GSE1: variants seen among roughly 807,000 people sequenced by gnomAD.
GSE1 encodes the protein Gse1 coiled-coil protein.
Under a neutral mutation model 112.6 loss-of-function variants are expected in GSE1, and 32 were observed. The observed-to-expected ratio is 0.28, with a 90% CI of 0.21 to 0.38. The LOEUF (loss-of-function observed/expected upper bound fraction) is 0.38. Ranked by LOEUF, GSE1 falls within the 10% of genes least tolerant of loss-of-function variation. GSE1 has a pLI of 1.00. For missense variants in GSE1, 2,348 were observed against 1,699.2 expected (o/e 1.38, Z -6.71); for synonymous variants, 1,115 against 735.6 (o/e 1.52, Z -8.35).
chr16:85,256,550 C>T (rs1907102716), intron 1 of GSE1, among the ~76,000 whole-genome samples: 1 of 152,246 alleles, frequency 6.6e-6, no homozygotes, highest in Admixed American at 6.5e-5. Flanking sequence ...GCGAAGCTCC[C>T]ACTGGGCCTG....
In GSE1 at chr16:85,180,256, C is replaced by T. The variant is rs535329821; in HGVS notation, c.2283+8449C>T. ...AGGCCGGGGTTGGTATTCTGCCCTG[C>T]CAAGCCAGGGCCCGGGGCAGGTGCC... On this transcript the variant is annotated intron_variant, in intron 1 of 2. Coordinates refer to the GSE1 transcript ENST00000637419. Among the ~76,000 whole-genome samples, 41 of 152,380 alleles carry T rather than the reference C, an allele frequency of 2.7e-4. No homozygotes were observed. The South Asian group carries it at 8.3e-3, about 31-fold the overall frequency.
intron 2 of GSE1, among the ~76,000 whole-genome samples, chr16:85,510,399 C>G (rs1268722566): frequency 1.5e-5 from 1 of 66,044 alleles, no homozygotes; most frequent in East Asian, 8.4e-4. Flanking sequence ...GACCAGGGCC[C>G]GAGCGTGCGT....
intron 2 of GSE1, among the ~76,000 whole-genome samples, chr16:85,376,417 G>T (rs2047421357): frequency 6.6e-6 from 1 of 152,346 alleles, no homozygotes; most frequent in Non-Finnish European, 1.5e-5. Context: ...GGGCTGGGCT[G>T]GGGTGAGTTC....
At chr16:85,357,726 G>A in intron 2 of GSE1, 1 of 904,812 alleles carries the variant, frequency 1.1e-6, no homozygotes, top group Non-Finnish European at 1.6e-6. Context: ...CCAGAGCCGA[G>A]TTCAGATACA....
At chr16:85,394,134 G>A (rs919806436) in intron 2 of GSE1, among the ~76,000 whole-genome samples, 1 of 152,076 alleles carries the variant, frequency 6.6e-6, no homozygotes, top group Non-Finnish European at 1.5e-5. Flanking sequence ...TCGGGGACCG[G>A]GGAAGGCTCA....
intron 3 of GSE1, among the ~76,000 whole-genome samples, chr16:85,653,190 CCCCTCCT>C (rs2051528760): frequency 0.016 from 1 of 64 alleles, no homozygotes; most frequent in Admixed American, 0.071. Flanking sequence ...TCCCTCCGCC[CCCCTCCT>C]CCCCCCTCCT....
chr16:85,601,811 A>G (rs1333484350), intron 1 of GSE1, among the ~76,000 whole-genome samples: 2 of 152,152 alleles, frequency 1.3e-5, no homozygotes, highest in African/African-American at 4.8e-5. Flanking sequence ...GGGCCCGCCT[A>G]TCCTGTGGTG....
chr16:85,262,973 G>T (rs1907861126), intron 1 of GSE1, among the ~76,000 whole-genome samples: 1 of 152,210 alleles, frequency 6.6e-6, no homozygotes, highest in Non-Finnish European at 1.5e-5. Flanking sequence ...CTGCCCTTAG[G>T]GAGCTGAGCT....
At chr16:85,200,901 C>T (rs1460716764) in intron 1 of GSE1, among the ~76,000 whole-genome samples, 2 of 152,224 alleles carry the variant, frequency 1.3e-5, no homozygotes, top group African/African-American at 2.4e-5. Context: ...TCCTGCAGCC[C>T]TGGCTGCTCT....
intron 1 of GSE1, among the ~76,000 whole-genome samples, chr16:85,589,881 T>G (rs1436073882): frequency 6.6e-6 from 1 of 151,276 alleles, no homozygotes; most frequent in East Asian, 1.9e-4. Context: ...AGAGACATTG[T>G]GTGTGAAGGA....
chr16:85,192,115 A>G (rs940652802), intron 1 of GSE1, among the ~76,000 whole-genome samples: 1 of 152,244 alleles, frequency 6.6e-6, no homozygotes, highest in Non-Finnish European at 1.5e-5. Context: ...ATTCTGGTGC[A>G]CTCAGACACG....
chr16:85,451,331 T>C (rs1377002117), intron 2 of GSE1, among the ~76,000 whole-genome samples: 1 of 152,258 alleles, frequency 6.6e-6, no homozygotes. Flanking sequence ...TAGGATGTCA[T>C]GTAGGCGGAG....
chr16:85,559,327 A>T (rs1199870245), intron 1 of GSE1, among the ~76,000 whole-genome samples: 1 of 152,206 alleles, frequency 6.6e-6, no homozygotes, highest in Non-Finnish European at 1.5e-5. Flanking sequence ...CGGAGCTGGG[A>T]CATGAAGCTG....
At chr16:85,211,211 G>A (rs965182325) in intron 1 of GSE1, among the ~76,000 whole-genome samples, 2 of 152,106 alleles carry the variant, frequency 1.3e-5, no homozygotes, top group African/African-American at 4.8e-5. Context: ...TTCTAGGGGG[G>A]TACCCAGCCC....
intron 1 of GSE1, among the ~76,000 whole-genome samples, chr16:85,315,985 G>A (rs1283158736): frequency 6.6e-6 from 1 of 152,180 alleles, no homozygotes; most frequent in African/African-American, 2.4e-5. Context: ...GGTGCCCATG[G>A]TGCCCCTGCT....
At chr16:85,389,076 C>T (rs969906761) in intron 2 of GSE1, among the ~76,000 whole-genome samples, 1 of 152,190 alleles carries the variant, frequency 6.6e-6, no homozygotes, top group South Asian at 2.1e-4. Context: ...GCTCTGAGGC[C>T]CCCCAGCCAG....
chr16:85,666,996 ACT>A (rs1340063867), intron 13 of GSE1, among the ~76,000 whole-genome samples: 2 of 152,228 alleles, frequency 1.3e-5, no homozygotes, highest in Non-Finnish European at 2.9e-5. Context: ...TATTACAAGT[ACT>A]CTAGAGGTGT....
At chr16:85,179,516 G>T (rs2074538550) in intron 1 of GSE1, among the ~76,000 whole-genome samples, 1 of 152,162 alleles carries the variant, frequency 6.6e-6, no homozygotes. Flanking sequence ...GCGCCTGGGA[G>T]TAAGGTTGCT....
intron 1 of GSE1, among the ~76,000 whole-genome samples, chr16:85,199,383 G>C (rs1369132887): frequency 6.6e-6 from 1 of 152,212 alleles, no homozygotes; most frequent in Non-Finnish European, 1.5e-5. Context: ...ACAGTACCTG[G>C]CTGTGGGGTT....
Sources: allele counts gnomAD v4.1 joint callset (sites outside exome capture counted in the v4.1 genomes callset), GRCh38; gene constraint gnomAD v4.1.1; transcripts MANE v1.5; gene names NCBI Gene and HGNC (gene_info 2026-07-23, HGNC 2026-07-21).